Variants in TRMO observed in about 807,000 individuals in gnomAD.
TRMO encodes tRNA (adenine(37)-N6)-methyltransferase.
TRMO carries 30 observed loss-of-function variants against 37.2 expected under a neutral mutation model. The observed-to-expected ratio is 0.81, with a 90% CI of 0.60 to 1.09. TRMO has a LOEUF of 1.09. TRMO is among the 50% of genes least tolerant of loss of function. The pLI, the probability that TRMO is intolerant of heterozygous loss-of-function variation, is 0.00. For synonymous variants in TRMO, 239 were observed against 199.4 expected (o/e 1.20, Z -1.67); for missense variants, 552 against 549.5 (o/e 1.00, Z -0.05).
rs549215639 is a variant in TRMO at position 97,910,940 on chromosome 9, C to T, written c.410-324G>A. On this transcript the variant is annotated intron_variant, in intron 3 of 4. Transcript: ENST00000375119. Reference sequence around the variant, plus strand: ...AACCTCTGCTAGAGCGCTTTCCCCACGGTAGGGTAGTGACCTGCTTAGAGT... The same window carrying T: ...AACCTCTGCTAGAGCGCTTTCCCCATGGTAGGGTAGTGACCTGCTTAGAGT... 1.3e-4 allele frequency: 70 copies of T among 520,414 alleles called. 1 individual carries two copies. The Admixed American group carries it at 1.4e-3, about 10-fold the overall frequency. 32.2% of individuals were successfully genotyped at this position (520,414 alleles called of 1,614,324 possible).
At chr9:97,915,340 A>G (rs1826306641) in intron 2 of TRMO, among the ~76,000 whole-genome samples, 1 of 152,222 alleles carries the variant, frequency 6.6e-6, no homozygotes, top group Non-Finnish European at 1.5e-5. Flanking sequence ...AGAGAGTAAT[A>G]TTTTAGGACA....
At chr9:97,906,700 G>A (rs1825866607) in intron 4 of TRMO, among the ~76,000 whole-genome samples, 1 of 151,934 alleles carries the variant, frequency 6.6e-6, no homozygotes, top group Non-Finnish European at 1.5e-5. Flanking sequence ...TTCCAGGCTG[G>A]GTGTGGTGGC....
At chr9:97,904,411 GTC>G, downstream of TRMO, 1 of 953,900 alleles carries the variant, frequency 1.0e-6, no homozygotes, top group Non-Finnish European at 1.3e-6. Context: ...CAACTAGAAA[GTC>G]TCTGCTGGAA....
chr9:97,913,586 C>A, intron 2 of TRMO, 28 bp from the exon 3 acceptor site: 5 of 1,464,788 alleles, frequency 3.4e-6, no homozygotes, highest in South Asian at 1.2e-5. Context: ...AAACAAACCA[C>A]GGAATAAGAA....
At chr9:97,905,741 A>G (rs887425579) in intron 4 of TRMO, among the ~76,000 whole-genome samples, 4 of 152,230 alleles carry the variant, frequency 2.6e-5, no homozygotes, top group Non-Finnish European at 5.9e-5. Context: ...CTGTGGTGGC[A>G]GTGGATCTTT....
chr9:97,916,369 AG>A lies in TRMO; in HGVS notation c.77-32del, dbSNP rs763428089. 424 of 1,543,670 alleles carry A rather than the reference AG, an allele frequency of 2.7e-4. 1 individual carries two copies. Among genetic ancestry groups the A allele is most frequent in the Admixed American group, 2.9e-4 (15 of 52,140 alleles). On this transcript the variant is annotated intron_variant, in intron 1 of 4. Transcript: ENST00000375119. ...GGAGAAAATTAGGTAAAAAGTTATT[AG>A]TCAAAAGGTCAAACCAAGTTGTAAG...
chr9:97,915,801 T>TA (rs924914656), intron 2 of TRMO: 40 of 157,108 alleles, frequency 2.5e-4, no homozygotes, highest in East Asian at 1.1e-3. Flanking sequence ...TCTTAAAAAA[T>TA]AAAAAAAAAT....
chr9:97,897,355 G>A, the TRMO span, among the ~76,000 whole-genome samples: 1 of 152,162 alleles, frequency 6.6e-6, no homozygotes, highest in Non-Finnish European at 1.5e-5. Context: ...TCTGTAAAGG[G>A]CCAGATTGTG....
At chr9:97,917,083 G>A (rs370308834) in intron 1 of TRMO, among the ~76,000 whole-genome samples, 2 of 152,190 alleles carry the variant, frequency 1.3e-5, no homozygotes, top group Admixed American at 6.5e-5. Flanking sequence ...GAGCCATAGT[G>A]CTTGGCCTAT....
intron 1 of TRMO, among the ~76,000 whole-genome samples, 166 bp downstream of exon 1, chr9:97,922,252 A>G (rs10984377): frequency 0.092 from 14,082 of 152,286 alleles, 862 homozygotes; most frequent in Admixed American, 0.13. Flanking sequence ...CGCTCGCCAA[A>G]GCACATCACG....
At position 97,910,432 on chromosome 9, in the gene TRMO, A is replaced by T; in HGVS notation, c.594T>A (p.Cys198Ter). 2.5e-6 allele frequency: 4 copies of T among 1,614,148 alleles called. No homozygotes were observed. The highest frequency in any genetic ancestry group is 3.4e-6 in the Non-Finnish European group (4 of 1,180,016). ...CACACCCTGAGAGCTGTCGCTGGTC[A>T]CAGCTGTCAGTCTTGCTGTCAGACT... is the stretch of plus-strand genomic sequence containing the variant. ...VSQSDSKTDS[C>*]DQRQLSGCDE... The change falls in exon 4 of 5, where the codon TGT becomes TGA. Residue 198 changes from cysteine (C) to a stop codon, truncating the protein, a stop_gained. Transcript: ENST00000375119. LOFTEE classifies it high-confidence loss of function.
chr9:97,898,224 C>G, the TRMO span, among the ~76,000 whole-genome samples: 28 of 152,184 alleles, frequency 1.8e-4, no homozygotes, highest in Admixed American at 3.3e-4. Flanking sequence ...AACCTTGAAC[C>G]TTCTGTGAAT....
intron 3 of TRMO, chr9:97,911,212 G>A: frequency 4.8e-6 from 1 of 207,234 alleles, no homozygotes; most frequent in South Asian, 5.4e-5. Context: ...TGGCAAAAGA[G>A]GTATGATGTC....
At chr9:97,910,927 A>T (rs770428303) in intron 3 of TRMO, 1 of 545,750 alleles carries the variant, frequency 1.8e-6, no homozygotes, top group Admixed American at 2.3e-5. Flanking sequence ...CCTCTGCTAG[A>T]GCGCTTTCCC....
chr9:97,908,393 C>T (rs942548154), intron 4 of TRMO, among the ~76,000 whole-genome samples: 3 of 129,572 alleles, frequency 2.3e-5, no homozygotes, highest in South Asian at 4.7e-4. Flanking sequence ...GCCTGGGCGA[C>T]AGAGCGAGAC....
chr9:97,916,383 A>T (rs1011954699), intron 1 of TRMO, 45 bp from the exon 2 acceptor site: 1 of 1,416,580 alleles, frequency 7.1e-7, no homozygotes, highest in African/African-American at 1.4e-5. Context: ...AAAAGGTCAA[A>T]CCAAGTTGTA....
At chr9:97,904,433 T>A (rs182370126), downstream of TRMO, 14 of 1,121,436 alleles carry the variant, frequency 1.2e-5, no homozygotes, top group Admixed American at 6.1e-4. Flanking sequence ...ATGAACTTTG[T>A]CTAATTTTAT....
chr9:97,909,656 T>C (rs888333014), intron 4 of TRMO, among the ~76,000 whole-genome samples: 4 of 152,220 alleles, frequency 2.6e-5, no homozygotes, highest in Admixed American at 2.0e-4. Context: ...TGAATGATAT[T>C]TGAAGACTCT....
At position 97,910,005 on chromosome 9, in the gene TRMO, A is replaced by G. The variant is rs1252316767; in HGVS notation, c.1021T>C (p.Phe341Leu). Residue 341 changes from phenylalanine (F) to leucine (L), a missense_variant, in exon 4 of 5, where the codon TTT (phenylalanine) becomes CTT (leucine). Phe to Leu is a conservative substitution (Grantham distance 22). Transcript: ENST00000375119. ...AGGTCCATCTCGGCATGAGGAGTAA[A>G]CCGCACTTCTAAAGTGGCCACAGGA... ...EAPVATLEVR[F>L]TPHAEMDLGQ... The G allele has an allele frequency of 1.3e-6, 2 of 1,587,786 alleles. No homozygotes were observed. The highest frequency in any genetic ancestry group is 2.7e-5 in the African/African-American group (2 of 73,856).
Sources: gnomAD v4.1 joint callset for allele counts (sites outside exome capture counted in the v4.1 genomes callset) on GRCh38, gnomAD v4.1.1 for gene constraint, MANE v1.5 for transcripts, NCBI Gene and HGNC (gene_info 2026-07-23, HGNC 2026-07-21) for gene names.